VWA8: variants seen among roughly 807,000 people sequenced by gnomAD.
VWA8 encodes the protein von Willebrand factor A domain containing 8, also known as von Willebrand factor A domain-containing protein 8.
In VWA8, 221 loss-of-function variants were observed where a neutral mutation model predicts 241.5. The observed-to-expected ratio is 0.91, with a 90% CI of 0.82 to 1.02. The LOEUF is 1.02. Among genes scored for constraint, VWA8 ranks in the 50% least tolerant of loss-of-function variants. VWA8 has a pLI of 0.00. For synonymous variants in VWA8, 852 were observed against 827.1 expected (o/e 1.03, Z -0.52); for missense variants, 2,322 against 2,328.7 (o/e 1.00, Z 0.06).
intron 21 of VWA8, among the ~76,000 whole-genome samples, chr13:41,751,244 T>A (rs1190234471): frequency 6.6e-6 from 1 of 152,154 alleles, no homozygotes; most frequent in African/African-American, 2.4e-5. Flanking sequence ...ACTGCCATAA[T>A]TCATTTTTTA....
chr13:41,672,542 C>T (rs1046863442), intron 36 of VWA8, among the ~76,000 whole-genome samples: 34 of 152,118 alleles, frequency 2.2e-4, no homozygotes, highest in Admixed American at 1.0e-3. Flanking sequence ...TGGAAAAACA[C>T]AAAACCATTA....
chr13:41,766,027 A>G (rs1383721567), intron 20 of VWA8, among the ~76,000 whole-genome samples: 1 of 152,108 alleles, frequency 6.6e-6, no homozygotes, highest in East Asian at 1.9e-4. Context: ...CCCTTTCACT[A>G]CCGGGTTAGG....
chr13:41,868,919 A>AG (rs1873452618), intron 9 of VWA8, among the ~76,000 whole-genome samples: 2 of 150,944 alleles, frequency 1.3e-5, no homozygotes, highest in Non-Finnish European at 2.9e-5. Context: ...AAAAAAAAAA[A>AG]GTAGAGGTTA....
intron 36 of VWA8, among the ~76,000 whole-genome samples, chr13:41,671,729 C>T (rs1476083949): frequency 2.0e-5 from 3 of 151,966 alleles, no homozygotes; most frequent in African/African-American, 4.8e-5. Context: ...TGGTCTCTGC[C>T]TGTTTCCCTT....
At chr13:41,798,670 G>A (rs1869813495) in intron 17 of VWA8, among the ~76,000 whole-genome samples, 1 of 152,126 alleles carries the variant, frequency 6.6e-6, no homozygotes, top group African/African-American at 2.4e-5. Context: ...GTAGACTCAT[G>A]TCTTTCTGCT....
chr13:41,757,853 G>A (rs983177932), intron 21 of VWA8, among the ~76,000 whole-genome samples: 1 of 151,620 alleles, frequency 6.6e-6, no homozygotes, highest in African/African-American at 2.4e-5. Flanking sequence ...AATGAGAAGA[G>A]GGCTTTCTAC....
At chr13:41,743,921 C>CT (rs778114787) in intron 21 of VWA8, among the ~76,000 whole-genome samples, 16 of 152,350 alleles carry the variant, frequency 1.1e-4, no homozygotes, top group Non-Finnish European at 1.9e-4. Context: ...ACCCCAGCTA[C>CT]TGCAGCAGTG....
chr13:41,923,790 G>A (rs544747784), intron 2 of VWA8, among the ~76,000 whole-genome samples: 1 of 151,820 alleles, frequency 6.6e-6, no homozygotes, highest in African/African-American at 2.4e-5. Context: ...TGTAGTCATT[G>A]CTGAAATTGA....
At chr13:41,617,397 G>C (rs909866035) in intron 37 of VWA8, among the ~76,000 whole-genome samples, 1 of 152,128 alleles carries the variant, frequency 6.6e-6, no homozygotes, top group Non-Finnish European at 1.5e-5. Flanking sequence ...GGGATTACAG[G>C]CATGAGCCAC....
chr13:41,596,126 T>G (rs542952836), intron 40 of VWA8, among the ~76,000 whole-genome samples: 8 of 152,306 alleles, frequency 5.3e-5, no homozygotes, highest in South Asian at 2.1e-4. Flanking sequence ...GAACCAGTAG[T>G]TTTTGTTCTT....
chr13:41,761,762 G>A (rs1262098028), intron 20 of VWA8, among the ~76,000 whole-genome samples: 1 of 151,962 alleles, frequency 6.6e-6, no homozygotes, highest in African/African-American at 2.4e-5. Context: ...TCAACTATAT[G>A]TGCTCTTCCT....
At chr13:41,605,786 G>A (rs1350311215) in intron 39 of VWA8, among the ~76,000 whole-genome samples, 3 of 152,156 alleles carry the variant, frequency 2.0e-5, no homozygotes, top group African/African-American at 7.2e-5. Flanking sequence ...CCTAAAGAAT[G>A]TAAGTTAATG....
At chr13:41,788,022 TA>T (rs911025749) in intron 17 of VWA8, among the ~76,000 whole-genome samples, 7 of 152,122 alleles carry the variant, frequency 4.6e-5, no homozygotes, top group African/African-American at 1.7e-4. Flanking sequence ...TTCTTCCTAT[TA>T]AAAAATATAT....
intron 17 of VWA8, among the ~76,000 whole-genome samples, chr13:41,808,858 A>C (rs190513706): frequency 1.8e-3 from 281 of 152,180 alleles, no homozygotes; most frequent in African/African-American, 6.3e-3. Flanking sequence ...TGAAAAAAAA[A>C]CCTAAAGACT....
chr13:41,922,830 G>A (rs1876620059), intron 2 of VWA8, among the ~76,000 whole-genome samples: 1 of 152,144 alleles, frequency 6.6e-6, no homozygotes, highest in African/African-American at 2.4e-5. Context: ...CTTTTACACT[G>A]TTAGTGGGAT....
chr13:41,707,565 C>A (rs1006684057), intron 26 of VWA8, among the ~76,000 whole-genome samples: 1 of 152,132 alleles, frequency 6.6e-6, no homozygotes, highest in Admixed American at 6.5e-5. Context: ...TTTAGCAGGC[C>A]TCACTCATTC....
At chr13:41,778,129 A>T in intron 19 of VWA8, 73 bp from the exon 20 acceptor site, 1 of 1,049,872 alleles carries the variant, frequency 9.5e-7, no homozygotes. Context: ...CTATAAAGAT[A>T]TCTTTATAGA....
intron 3 of VWA8, among the ~76,000 whole-genome samples, chr13:41,910,651 C>T (rs1249660182): frequency 2.0e-5 from 3 of 151,670 alleles, no homozygotes; most frequent in East Asian, 1.9e-4. Flanking sequence ...TAGCTGACTT[C>T]GCATTCTTAG....
intron 9 of VWA8, among the ~76,000 whole-genome samples, chr13:41,876,533 C>T (rs1361194930): frequency 4.6e-5 from 7 of 152,104 alleles, no homozygotes; most frequent in Admixed American, 2.0e-4. Context: ...CAAATGTCAT[C>T]TTCTCAGTGA....
Sources: gnomAD v4.1 joint callset for allele counts (sites outside exome capture counted in the v4.1 genomes callset) on GRCh38, gnomAD v4.1.1 for gene constraint, MANE v1.5 for transcripts, NCBI Gene and HGNC (gene_info 2026-07-23, HGNC 2026-07-21) for gene names.